The following BACE2 variants were observed in gnomAD, a reference collection of about 807,000 sequenced individuals.
BACE2 encodes beta-secretase 2.
BACE2 carries 17 observed loss-of-function variants against 46.2 expected under a neutral mutation model. That is an observed-to-expected ratio of 0.37 (90% CI 0.25 to 0.55). The LOEUF (loss-of-function observed/expected upper bound fraction) is 0.55. Ranked by LOEUF, BACE2 falls within the 20% of genes least tolerant of loss-of-function variation. BACE2 has a pLI of 0.82. For synonymous variants in BACE2, 277 were observed against 295.9 expected (o/e 0.94, Z 0.66); for missense variants, 595 against 698.1 (o/e 0.85, Z 1.66).
Position 41,281,229 on chromosome 21 carries a change from C to G in BACE2, c.*5605C>G, listed in dbSNP as rs1180827340. 6.6e-6 allele frequency: 1 copy of G among 152,172 alleles called. No individual in the cohort carries two copies. The highest frequency in any genetic ancestry group is 2.4e-5 in the African/African-American group (1 of 41,446). The allele number at this position is 152,172 out of a possible 1,614,324, so 9.4% of individuals were successfully genotyped here. A position where few individuals can be genotyped will look rare whatever the true frequency, so the allele number is the denominator to read the frequency against. The stretch of plus-strand genomic sequence containing the variant: ...CTGTGTAGAACACACGTGTGCCTCA[C>G]ACATAGCCATCTGAGTAAAATATTT... On this transcript the variant is annotated 3_prime_UTR_variant, in exon 9 of 9. Transcript: ENST00000330333.
chr21:41,241,885 T>A lies in BACE2; in HGVS notation c.685T>A (p.Ser229Thr), dbSNP rs1294991090. 1.9e-6 allele frequency: 3 copies of A among 1,614,044 alleles called. No individual in the cohort carries two copies. ...ACAAGCAAACATCCCCAACGTTTTCTCCATGCAGATGTGTGGAGCCGGCTT... is the reference window on the plus strand; with the variant it reads ...ACAAGCAAACATCCCCAACGTTTTCACCATGCAGATGTGTGGAGCCGGCTT... The part of the protein sequence containing the change: ...VTQANIPNVF[S>T]MQMCGAGLPV... Residue 229 changes from serine to threonine, a missense_variant, in exon 4 of 9, where the codon TCC becomes ACC. Transcript: ENST00000330333.
intron 8 of BACE2, among the ~76,000 whole-genome samples, chr21:41,266,265 T>C (rs1304221476): frequency 6.6e-6 from 1 of 152,234 alleles, no homozygotes; most frequent in Non-Finnish European, 1.5e-5. Flanking sequence ...TATGGTATAA[T>C]CTTGTGCACG....
At chr21:41,170,986 A>G (rs1278282247) in intron 1 of BACE2, among the ~76,000 whole-genome samples, 1 of 152,196 alleles carries the variant, frequency 6.6e-6, no homozygotes, top group East Asian at 1.9e-4. Flanking sequence ...CCAGGGCAAC[A>G]GGGCAAGAAA....
chr21:41,188,560 AC>A (rs67713853), intron 1 of BACE2, among the ~76,000 whole-genome samples: 5,618 of 151,948 alleles, frequency 0.037, 161 homozygotes, highest in African/African-American at 0.079. Context: ...CCTACCCATC[AC>A]CCCCCCAGAC....
At chr21:41,205,516 G>C (rs1986096544) in intron 1 of BACE2, among the ~76,000 whole-genome samples, 2 of 152,154 alleles carry the variant, frequency 1.3e-5, no homozygotes, top group South Asian at 4.1e-4. Flanking sequence ...TCATCTTTGT[G>C]CGTGATTGAA....
At chr21:41,180,010 A>C (rs906092650) in intron 1 of BACE2, 7 of 335,954 alleles carry the variant, frequency 2.1e-5, no homozygotes, top group African/African-American at 1.5e-4. Flanking sequence ...GGCTGTGCAC[A>C]GCAGCAGCAG....
intron 7 of BACE2, among the ~76,000 whole-genome samples, chr21:41,254,349 C>T (rs1987720674): frequency 6.6e-6 from 1 of 152,132 alleles, no homozygotes; most frequent in Non-Finnish European, 1.5e-5. Flanking sequence ...TGCTGGTCTC[C>T]TCTCAGTCTT....
chr21:41,169,298 A>C lies in BACE2; in HGVS notation c.312+723A>C, dbSNP rs868868093. Among the ~76,000 whole-genome samples the C allele has an allele frequency of 7.2e-5, 11 of 152,174 alleles. No homozygotes were observed. The South Asian group carries it at 1.0e-3, about 14-fold the overall frequency. Reference sequence around the variant, plus strand: ...AAAGCATTCCAGCTACCGGGAAAAAAACAGGGGCTGAGTGAGGTGTCCGGG... The same window carrying C: ...AAAGCATTCCAGCTACCGGGAAAAACACAGGGGCTGAGTGAGGTGTCCGGG... On this transcript the variant is annotated intron_variant, in intron 1 of 8. Coordinates refer to ENST00000330333, the MANE Select transcript of BACE2 (RefSeq NM_012105.5).
rs113260024 is a variant in BACE2, at chr21:41,267,142, C to A, written c.1304-8229C>A. 2.2e-4 allele frequency among the ~76,000 whole-genome samples: 34 copies of A among 152,208 alleles called. 1 individual carries two copies. The highest frequency in any genetic ancestry group is 8.2e-4 in the African/African-American group (34 of 41,540). ...TTCCAGCGAAGGCACAGCAGGATGG[C>A]GGTGGGTGGGAAGGTGATGGGTATT... On this transcript the variant is annotated intron_variant, in intron 8 of 8. Transcript: ENST00000330333.
chr21:41,172,626 T>C (rs1189526767), intron 1 of BACE2, among the ~76,000 whole-genome samples: 1 of 152,198 alleles, frequency 6.6e-6, no homozygotes, highest in Non-Finnish European at 1.5e-5. Flanking sequence ...CAGTAACTTT[T>C]TAAGAAGAAC....
chr21:41,216,463 T>C (rs1986469760), intron 1 of BACE2, among the ~76,000 whole-genome samples: 2 of 152,256 alleles, frequency 1.3e-5, no homozygotes, highest in African/African-American at 4.8e-5. Flanking sequence ...TTGTGCTGAA[T>C]GCCTGGGCAA....
At chr21:41,242,041 A>C in intron 4 of BACE2, 94 bp downstream of exon 4, 1 of 1,534,324 alleles carries the variant, frequency 6.5e-7, no homozygotes, top group Non-Finnish European at 8.9e-7. Flanking sequence ...AATATTAGGC[A>C]TGTAGGTGTG....
rs753853665 is a variant in BACE2, at chr21:41,275,614, G to A, written c.1547G>A (p.Arg516His). The change falls in exon 9 of 9, where the codon CGC becomes CAC. Residue 516 changes from arginine to histidine, a missense_variant. Arg to His is a conservative substitution (Grantham distance 29). Transcript: ENST00000330333. ...GATGAGTCCTCTCTGGTCAGACATC[G>A]CTGGAAATGAATAGCCAGGCCTGAC... ...VNDESSLVRHRWK is the reference protein window; with the variant it reads ...VNDESSLVRHHWK 8 of 1,613,550 alleles carry A rather than the reference G, an allele frequency of 5.0e-6. No individual in the cohort carries two copies. The highest frequency in any genetic ancestry group is 2.2e-5 in the East Asian group (1 of 44,864).
rs189211060 is a variant in BACE2, at chr21:41,195,491, T to C, written c.312+26916T>C. Among the ~76,000 whole-genome samples the C allele has an allele frequency of 5.2e-3, 797 of 152,330 alleles. 5 individuals carry two copies. Among genetic ancestry groups the C allele is most frequent in the Non-Finnish European group, 8.3e-3 (563 of 68,024 alleles). ...AGTCAAATACAGAACTTCCCGTCCCTTACACCTCCATTCTCTGTGTTTCAA... is the reference window on the plus strand; with the variant it reads ...AGTCAAATACAGAACTTCCCGTCCCCTACACCTCCATTCTCTGTGTTTCAA... On this transcript the variant is annotated intron_variant, in intron 1 of 8. Transcript: ENST00000330333.
chr21:41,243,926 C>T (rs1425947551), intron 5 of BACE2, among the ~76,000 whole-genome samples: 1 of 152,152 alleles, frequency 6.6e-6, no homozygotes, highest in Non-Finnish European at 1.5e-5. Flanking sequence ...TTTTATCCTC[C>T]ATTCACAGCT....
intron 1 of BACE2, among the ~76,000 whole-genome samples, chr21:41,208,423 G>A (rs989943781): frequency 6.6e-6 from 1 of 152,196 alleles, no homozygotes; most frequent in Admixed American, 6.5e-5. Flanking sequence ...CATCCTTGCT[G>A]CTCTGCTCCA....
intron 1 of BACE2, among the ~76,000 whole-genome samples, chr21:41,223,776 C>T (rs1986725602): frequency 6.6e-6 from 1 of 152,158 alleles, no homozygotes; most frequent in Non-Finnish European, 1.5e-5. Flanking sequence ...ATTAGCCAGC[C>T]AGGGAAAGGT....
In BACE2 at chr21:41,239,426, G is replaced by A. The variant is rs540645846; in HGVS notation, c.618+1697G>A. ...AGAGTCTCACTCTATTTCCCAGGCT[G>A]GAGTGCAGCAGTGTAATCTCAGCTC... is the stretch of plus-strand genomic sequence containing the variant. On this transcript the variant is annotated intron_variant, in intron 3 of 8. Transcript: ENST00000330333. Among the ~76,000 whole-genome samples, 278 of 152,104 alleles carry A rather than the reference G, an allele frequency of 1.8e-3. 1 individual carries two copies. Among genetic ancestry groups the A allele is most frequent in the Non-Finnish European group, 3.1e-3 (214 of 67,980 alleles).
rs1984452944 is a variant in BACE2, at chr21:41,168,275, G to A, written c.12G>A (p.Leu4=). Residue 4 remains leucine (L), a synonymous_variant, in exon 1 of 9, where the codon CTG becomes CTA. Coordinates refer to ENST00000330333, the MANE Select transcript of BACE2 (RefSeq NM_012105.5). The part of the protein sequence containing the change: MGA[L]ARALLLPLLA... ...GCCCCGCCGTGGGCATGGGCGCACT[G>A]GCCCGGGCGCTGCTGCTGCCTCTGC... 1.6e-6 allele frequency: 2 copies of A among 1,226,784 alleles called. No homozygotes were observed. The highest frequency in any genetic ancestry group is 2.0e-6 in the Non-Finnish European group (2 of 986,134). 76.0% of individuals were successfully genotyped at this position (1,226,784 alleles called of 1,614,324 possible). A position where few individuals can be genotyped will look rare whatever the true frequency, so the allele number is the denominator to read the frequency against.
Sources: gnomAD v4.1 joint callset for allele counts (sites outside exome capture counted in the v4.1 genomes callset) on GRCh38, gnomAD v4.1.1 for gene constraint, MANE v1.5 for transcripts, NCBI Gene and HGNC (gene_info 2026-07-23, HGNC 2026-07-21) for gene names.